SECTM1: variants seen among roughly 807,000 people sequenced by gnomAD.
SECTM1 encodes the protein secreted and transmembrane 1.
In SECTM1, 10 loss-of-function variants were observed where a neutral mutation model predicts 18.1. The observed-to-expected ratio is 0.55, with a 90% CI of 0.34 to 0.94. The LOEUF is 0.94. Ranked by LOEUF, SECTM1 falls within the 40% of genes least tolerant of loss-of-function variation. SECTM1 has a pLI of 0.02. For synonymous variants in SECTM1, 137 were observed against 139.2 expected, an observed-to-expected ratio of 0.98 and a Z score of 0.11; for missense variants, 297 against 322.6, an observed-to-expected ratio of 0.92 and a Z score of 0.61.
At chr17:82,323,687 C>A (rs541354695) in intron 3 of SECTM1, among the ~76,000 whole-genome samples, 1 of 152,010 alleles carries the variant, frequency 6.6e-6, no homozygotes, top group South Asian at 2.1e-4. Flanking sequence ...TGCTGGCCAC[C>A]ACTGCTTTCT....
In SECTM1 at chr17:82,322,935, C is replaced by G; in HGVS notation, c.480G>C (p.Leu160Phe). 1 of 1,613,922 alleles carries G rather than the reference C, an allele frequency of 6.2e-7. No individual in the cohort carries two copies. Among genetic ancestry groups the G allele is most frequent in the Non-Finnish European group, 8.5e-7 (1 of 1,179,982 alleles). The change falls in exon 4 of 5, where the codon TTG (leucine) becomes TTC (phenylalanine). Residue 160 changes from leucine (L) to phenylalanine (F), a missense_variant. Coordinates refer to ENST00000269389, the MANE Select transcript of SECTM1 (RefSeq NM_003004.3). ...PAVVTAVFIL[L>F]VALVMFAWYR... ...ACCAGGCGAACATGACCAGAGCGAC[C>G]AAGAGGATGAAGACAGCAGTGACCA...
At chr17:82,324,543 T>G in intron 3 of SECTM1, 39 bp downstream of exon 3, 1 of 300,262 alleles carries the variant, frequency 3.3e-6, no homozygotes, top group Non-Finnish European at 5.1e-6. Context: ...GTGTCCCCTC[T>G]CACTCCCCTC....
chr17:82,325,965 G>A lies in SECTM1; in HGVS notation c.95-1075C>T, dbSNP rs1480474967. 1.3e-5 allele frequency among the ~76,000 whole-genome samples: 2 copies of A among 152,242 alleles called. No individual in the cohort carries two copies. The highest frequency in any genetic ancestry group is 2.9e-5 in the Non-Finnish European group (2 of 68,040). On this transcript the variant is annotated intron_variant, in intron 2 of 4. Transcript: ENST00000269389. This position sits in a 1 kb window ranked among gnomAD's most constrained non-coding sequence, Gnocchi z 7.6. ...GCCTTGGTGCCCATGGGAGGAGGTG[G>A]GCTTCAGGGGCACCTGGCCTTCGGG... is the stretch of plus-strand genomic sequence containing the variant.
Position 82,330,156 on chromosome 17 carries a change from C to A in SECTM1, c.-52-2864G>T, listed in dbSNP as rs1382964222. On this transcript the variant is annotated intron_variant, in intron 1 of 4. Coordinates refer to ENST00000269389, the MANE Select transcript of SECTM1 (RefSeq NM_003004.3). The surrounding 1 kb of genome is among the most constrained non-coding windows in gnomAD (Gnocchi z 6.1). ...TCCACGATGCCAGCTCAGCCACCCA[C>A]CTTGGAACCGTGCAGATGGACAGCA... Among the ~76,000 whole-genome samples, 1 of 152,192 alleles carries A rather than the reference C, an allele frequency of 6.6e-6. No individual in the cohort carries two copies. Among genetic ancestry groups the A allele is most frequent in the Non-Finnish European group, 1.5e-5 (1 of 68,018 alleles).
chr17:82,331,278 G>C (rs1024283136), intron 1 of SECTM1, among the ~76,000 whole-genome samples: 3 of 152,196 alleles, frequency 2.0e-5, no homozygotes, highest in African/African-American at 7.2e-5. Context: ...GGAGCTGGGG[G>C]GAGACCGGGA....
In SECTM1 at chr17:82,330,524, A is replaced by C. The variant is rs1473621709; in HGVS notation, c.-53+3176T>G. On this transcript the variant is annotated intron_variant, in intron 1 of 4. Coordinates refer to ENST00000269389, the MANE Select transcript of SECTM1 (RefSeq NM_003004.3). This position sits in a 1 kb window ranked among gnomAD's most constrained non-coding sequence, Gnocchi z 6.1. ...GGCAGAGAGCTGCACCCTGAGCCAGACCTCAGCAGCTGGGTCCTGGAGGCC... is the reference window on the plus strand; with the variant it reads ...GGCAGAGAGCTGCACCCTGAGCCAGCCCTCAGCAGCTGGGTCCTGGAGGCC... 6.6e-6 allele frequency among the ~76,000 whole-genome samples: 1 copy of C among 151,892 alleles called. No individual in the cohort carries two copies. Among genetic ancestry groups the C allele is most frequent in the East Asian group, 1.9e-4 (1 of 5,170 alleles).
At chr17:82,323,188 G>A (rs1395347101) in intron 3 of SECTM1, 177 bp from the exon 4 acceptor site, 11 of 680,298 alleles carry the variant, frequency 1.6e-5, no homozygotes, top group Non-Finnish European at 2.7e-5. Flanking sequence ...GGAGGAGAGG[G>A]GGCGCAGGAC....
chr17:82,327,634 G>A (rs934354019), intron 1 of SECTM1, among the ~76,000 whole-genome samples: 7 of 152,156 alleles, frequency 4.6e-5, no homozygotes, highest in African/African-American at 1.4e-4. Context: ...CAGGACAGGT[G>A]GAATCGTTGG....
chr17:82,323,292 G>C (rs2147266459), intron 3 of SECTM1: 1 of 430,360 alleles, frequency 2.3e-6, no homozygotes, highest in Non-Finnish European at 4.2e-6. Flanking sequence ...CTGCGCGCTG[G>C]CCCGGTCCTT....
At chr17:82,332,445 G>A (rs1057203019) in intron 1 of SECTM1, among the ~76,000 whole-genome samples, 3 of 152,184 alleles carry the variant, frequency 2.0e-5, no homozygotes, top group Non-Finnish European at 4.4e-5. Context: ...CGGCCCCCTC[G>A]GGCTGGGTTC....
Position 82,324,772 on chromosome 17 carries a change from G to A in SECTM1, c.213C>T (p.His71=), listed in dbSNP as rs147696317. 9.5e-5 allele frequency: 153 copies of A among 1,614,146 alleles called. 1 individual carries two copies. The highest frequency in any genetic ancestry group is 8.3e-4 in the African/African-American group (62 of 75,018). ...CATTGAAGATGGCGCTCTCCTGCCCGTGGGCACGCAGCTTGATGTTGACAT... is the reference window on the plus strand; with the variant it reads ...CATTGAAGATGGCGCTCTCCTGCCCATGGGCACGCAGCTTGATGTTGACAT... ...FSHVNIKLRA[H]GQESAIFNEV... The change falls in exon 3 of 5, where the codon CAC becomes CAT. Residue 71 remains histidine (H), a synonymous_variant. Coordinates refer to ENST00000269389, the MANE Select transcript of SECTM1 (RefSeq NM_003004.3).
intron 3 of SECTM1, among the ~76,000 whole-genome samples, chr17:82,323,665 T>A (rs79593999): frequency 6.6e-6 from 1 of 151,504 alleles, no homozygotes; most frequent in African/African-American, 2.4e-5. Context: ...ACAGAGGGCC[T>A]GGGGGCTGCT....
chr17:82,322,413 C>T (rs2052102384), intron 4 of SECTM1, 43 bp from the exon 5 acceptor site: 2 of 1,583,858 alleles, frequency 1.3e-6, no homozygotes, highest in Admixed American at 1.7e-5. Flanking sequence ...CCGCGCGCCC[C>T]CGTGCCCACA....
chr17:82,324,987 G>T, intron 2 of SECTM1, 97 bp from the exon 3 acceptor site: 1 of 1,137,960 alleles, frequency 8.8e-7, no homozygotes, highest in African/African-American at 1.5e-5. Flanking sequence ...AGGAGACAGG[G>T]CCTCTAAGGG....
intron 1 of SECTM1, among the ~76,000 whole-genome samples, chr17:82,333,311 G>T (rs1475286967): frequency 2.0e-5 from 3 of 152,202 alleles, no homozygotes; most frequent in Non-Finnish European, 4.4e-5. Flanking sequence ...ACTTAGGGGA[G>T]CCCCGGGTCC....
At position 82,322,049 on chromosome 17, in the gene SECTM1, G is replaced by T; in HGVS notation, c.*112C>A. 1 of 1,036,424 alleles carries T rather than the reference G, an allele frequency of 9.6e-7. No homozygotes were observed. The highest frequency in any genetic ancestry group is 1.5e-6 in the Non-Finnish European group (1 of 689,278). The allele number at this position is 1,036,424 out of a possible 1,614,324, so 64.2% of individuals were successfully genotyped here. On this transcript the variant is annotated 3_prime_UTR_variant, in exon 5 of 5. Coordinates refer to ENST00000269389, the MANE Select transcript of SECTM1 (RefSeq NM_003004.3). ...AGTGGGTGACACAGAGGCCCAGCCT[G>T]CCAAGCAAGCCGGTGTCTGTGCCCT... is the stretch of plus-strand genomic sequence containing the variant.
In SECTM1 at chr17:82,332,331, G is replaced by A. The variant is rs1316684405; in HGVS notation, c.-53+1369C>T. ...CCATGCCAGTGACACGCCTAGGAAA[G>A]TTCACGCACCGCCCAGCACGCCTGC... On this transcript the variant is annotated intron_variant, in intron 1 of 4. Coordinates refer to ENST00000269389, the MANE Select transcript of SECTM1 (RefSeq NM_003004.3). 2.0e-5 allele frequency among the ~76,000 whole-genome samples: 3 copies of A among 152,320 alleles called. No individual in the cohort carries two copies. In the East Asian group the frequency reaches 5.8e-4, roughly 29 times the overall value.
Position 82,322,322 on chromosome 17 carries a change from C to G in SECTM1, c.586G>C (p.Ala196Pro). The G allele has an allele frequency of 6.2e-7, 1 of 1,613,532 alleles. No individual in the cohort carries two copies. Residue 196 changes from alanine (A) to proline (P), a missense_variant, in exon 5 of 5, where the codon GCG becomes CCG. Physicochemically the swap from Ala to Pro is conservative, Grantham distance 27. Coordinates refer to ENST00000269389, the MANE Select transcript of SECTM1 (RefSeq NM_003004.3). ...EPQMKVAALR[A>P]GAQQGLSRAS... ...CTGCTCAGGCCCTGCTGGGCTCCCG[C>G]TCTGAGGGCTGCGACCTTCATCTGG...
intron 1 of SECTM1, among the ~76,000 whole-genome samples, chr17:82,331,279 G>A (rs967360699): frequency 2.6e-5 from 4 of 152,210 alleles, no homozygotes; most frequent in Admixed American, 2.6e-4. Context: ...GAGCTGGGGG[G>A]AGACCGGGAG....
Sources: gnomAD v4.1 joint callset for allele counts (sites outside exome capture counted in the v4.1 genomes callset) on GRCh38, gnomAD v4.1.1 for gene constraint, Gnocchi (gnomAD v3.1) non-coding constraint, MANE v1.5 for transcripts, NCBI Gene and HGNC (gene_info 2026-07-23, HGNC 2026-07-21) for gene names.